CDHR2: variants seen among roughly 807,000 people sequenced by gnomAD.
CDHR2 encodes the protein cadherin related family member 2, also known as cadherin-related family member 2.
In CDHR2, 104 loss-of-function variants were observed where a neutral mutation model predicts 138.6. The ratio of observed to expected loss-of-function variants is 0.75; its 90% CI spans 0.64 to 0.88. The LOEUF (loss-of-function observed/expected upper bound fraction) is 0.88, where lower values mean the gene tolerates loss of function less well. Among genes scored for constraint, CDHR2 ranks in the 40% least tolerant of loss-of-function variants. The pLI is 0.00. For synonymous variants in CDHR2, 755 were observed against 742.8 expected (o/e 1.02, Z -0.27); for missense variants, 1,624 against 1,727.6 (o/e 0.94, Z 1.06).
chr5:176,584,702 C>T lies in CDHR2; in HGVS notation c.2421C>T (p.Thr807=). 6.2e-7 allele frequency: 1 copy of T among 1,614,164 alleles called. No homozygotes were observed. Among genetic ancestry groups the T allele is most frequent in the South Asian group, 1.1e-5 (1 of 91,082 alleles). ...NVKDVNDNPP[T]LDVASLRGIR... Reference sequence around the variant, plus strand: ...AAGACGTGAACGACAATCCCCCCACCCTGGATGTAGCCTCACTCCGGGGCA... The same window carrying T: ...AAGACGTGAACGACAATCCCCCCACTCTGGATGTAGCCTCACTCCGGGGCA... Residue 807 remains threonine (T), a synonymous_variant, in exon 19 of 32, where the codon ACC becomes ACT. Transcript: ENST00000261944.
intron 6 of CDHR2, among the ~76,000 whole-genome samples, chr5:176,573,780 T>G (rs1212713406): frequency 6.6e-6 from 1 of 152,190 alleles, no homozygotes; most frequent in Non-Finnish European, 1.5e-5. Context: ...ATGGGATGTC[T>G]GAGTGCGCAG....
At chr5:176,586,099 C>T in intron 20 of CDHR2, 74 bp downstream of exon 20, 2 of 1,197,704 alleles carry the variant, frequency 1.7e-6, no homozygotes, top group Non-Finnish European at 2.5e-6. Flanking sequence ...GACAGACCCT[C>T]CTTGGACCCC....
At chr5:176,564,803 G>A (rs961892138) in intron 1 of CDHR2, among the ~76,000 whole-genome samples, 4 of 152,138 alleles carry the variant, frequency 2.6e-5, no homozygotes, top group Non-Finnish European at 4.4e-5. Flanking sequence ...GCAGGTGAAC[G>A]AAGGACCCTG....
At position 176,557,560 on chromosome 5, in the gene CDHR2, A is replaced by ATTTT. The variant is rs5873538; in HGVS notation, c.-15-7758_-15-7755dup. ...TTCCTTTTTATTATCACCTTCTTAG[A>ATTTT]TTTTTTTTTTTTTTTTTTTTTTTGA... On this transcript the variant is annotated intron_variant, in intron 1 of 31. Transcript: ENST00000261944. Among the ~76,000 whole-genome samples the ATTTT allele has an allele frequency of 7.0e-4, 61 of 87,416 alleles. 1 individual carries two copies. Among genetic ancestry groups the ATTTT allele is most frequent in the African/African-American group, 1.9e-3 (42 of 21,566 alleles). 57.3% of individuals were successfully genotyped at this position (87,416 alleles called of 152,430 possible).
In CDHR2 at chr5:176,590,295, C is replaced by G; in HGVS notation, c.3318C>G (p.Pro1106=). ...HSYLDAYFVF[P]NGSALTLDEL... ...ACCTCGATGCCTACTTTGTCTTCCCCAATGGGTCAGCCCTGACCCTTGATG... is the reference window on the plus strand; with the variant it reads ...ACCTCGATGCCTACTTTGTCTTCCCGAATGGGTCAGCCCTGACCCTTGATG... The change falls in exon 26 of 32, where the codon CCC becomes CCG. Residue 1106 remains proline, a synonymous_variant. Coordinates refer to ENST00000261944, the MANE Select transcript of CDHR2 (RefSeq NM_017675.6). 6.2e-7 allele frequency: 1 copy of G among 1,614,196 alleles called. No homozygotes were observed. Among genetic ancestry groups the G allele is most frequent in the African/African-American group, 1.3e-5 (1 of 75,054 alleles).
chr5:176,568,811 C>T lies in CDHR2; in HGVS notation c.258C>T (p.Asp86=). 6.2e-7 allele frequency: 1 copy of T among 1,614,100 alleles called. No homozygotes were observed. Among genetic ancestry groups the T allele is most frequent in the Non-Finnish European group, 8.5e-7 (1 of 1,179,996 alleles). The part of the protein sequence containing the change: ...TGEVKLASAL[D]YETLYTFKVT... ...AAGTGAAGCTGGCCAGCGCTCTGGA[C>T]TACGAGGTAAAGAGCATCAGCCGGA... is the stretch of plus-strand genomic sequence containing the variant. Residue 86 remains aspartate (D), a synonymous_variant, in exon 4 of 32, where the codon GAC becomes GAT. Transcript: ENST00000261944.
chr5:176,560,547 CCTT>C (rs1757941882), intron 1 of CDHR2, among the ~76,000 whole-genome samples: 1 of 152,148 alleles, frequency 6.6e-6, no homozygotes, highest in Non-Finnish European at 1.5e-5. Context: ...AAAGCGGTTC[CCTT>C]CTTTCACTCT....
In CDHR2 at chr5:176,577,425, G is replaced by A. The variant is rs376960328; in HGVS notation, c.1221G>A (p.Ser407=). The A allele has an allele frequency of 2.0e-4, 321 of 1,609,690 alleles. No homozygotes were observed. Among genetic ancestry groups the A allele is most frequent in the Middle Eastern group, 1.7e-4 (1 of 6,034 alleles). ...DKGSNGTFLL[S]LGGPDAEAFS... The stretch of plus-strand genomic sequence containing the variant: ...GCAGCAATGGCACCTTCCTGTTGTC[G>A]CTGGGGGGCCCCGATGCAGAAGCCT... Residue 407 remains serine (S), a synonymous_variant, in exon 13 of 32, where the codon TCG becomes TCA. Transcript: ENST00000261944.
intron 19 of CDHR2, among the ~76,000 whole-genome samples, 176 bp downstream of exon 19, chr5:176,585,191 T>C (rs1758630373): frequency 6.6e-6 from 1 of 152,210 alleles, no homozygotes; most frequent in African/African-American, 2.4e-5. Flanking sequence ...ATCTGTCCAG[T>C]GGAGTTGGGC....
At position 176,569,090 on chromosome 5, in the gene CDHR2, C is replaced by T; in HGVS notation, c.315+80C>T. The T allele has an allele frequency of 3.0e-6, 4 of 1,331,540 alleles. No homozygotes were observed. In the South Asian group the frequency reaches 3.7e-5, roughly 12 times the overall value. 82.5% of individuals were successfully genotyped at this position (1,331,540 alleles called of 1,614,324 possible). On this transcript the variant is annotated intron_variant, in intron 5 of 31. Coordinates refer to ENST00000261944, the MANE Select transcript of CDHR2 (RefSeq NM_017675.6). ...TGTGTCCCCACCTCCGGCAAGCGGA[C>T]GGTGCCCCAGTTAACAGTGAATTTA...
chr5:176,547,198 C>T (rs947251599), upstream of CDHR2, among the ~76,000 whole-genome samples: 8 of 152,042 alleles, frequency 5.3e-5, no homozygotes, highest in Admixed American at 3.3e-4. Flanking sequence ...AGGCTGGTCT[C>T]GAATTCTTGA....
chr5:176,565,643 C>G (rs1208164342), intron 2 of CDHR2, 29 bp from the exon 3 acceptor site: 1 of 1,602,642 alleles, frequency 6.2e-7, no homozygotes, highest in Non-Finnish European at 8.5e-7. Flanking sequence ...AGGGGTGTCC[C>G]GATGTTCCAG....
At chr5:176,551,760 A>G (rs1291812350) in intron 1 of CDHR2, among the ~76,000 whole-genome samples, 2 of 136,878 alleles carry the variant, frequency 1.5e-5, no homozygotes, top group East Asian at 4.5e-4. Flanking sequence ...GGAGTGCAGT[A>G]GCGGCATCTC....
chr5:176,565,178 C>T, intron 1 of CDHR2, 160 bp from the exon 2 acceptor site: 1 of 625,726 alleles, frequency 1.6e-6, no homozygotes, highest in Non-Finnish European at 2.9e-6. Context: ...TTCCCCTGAC[C>T]CTAGAGCATC....
At position 176,581,335 on chromosome 5, in the gene CDHR2, G is replaced by A. The variant is rs535104271; in HGVS notation, c.1819-8G>A. On this transcript the variant is annotated splice_region_variant and splice_polypyrimidine_tract_variant and intron_variant, in intron 16 of 31. Transcript: ENST00000261944. The stretch of plus-strand genomic sequence containing the variant: ...TGGCCGATGACCAACCCCTGCTTAC[G>A]TGCACAGGCCCACGACAATGATGAG... 25 of 1,612,276 alleles carry A rather than the reference G, an allele frequency of 1.6e-5. No individual in the cohort carries two copies. The highest frequency in any genetic ancestry group is 8.9e-5 in the East Asian group (4 of 44,876).
At chr5:176,590,027 A>G in intron 24 of CDHR2, 51 bp from the exon 25 acceptor site, 1 of 1,474,358 alleles carries the variant, frequency 6.8e-7, no homozygotes, top group Non-Finnish European at 9.5e-7. Flanking sequence ...AGCCCTGGCC[A>G]CAGGCCCAGG....
Position 176,580,148 on chromosome 5 carries a change from ACACACACACTCACACACGCACT to A in CDHR2, c.1819-1168_1819-1147del, listed in dbSNP as rs377345780. Among the ~76,000 whole-genome samples, 1,312 of 151,566 alleles carry A rather than the reference ACACACACACTCACACACGCACT, an allele frequency of 8.7e-3. 17 individuals are homozygous for A. The highest frequency in any genetic ancestry group is 0.03 in the African/African-American group (1,241 of 41,292). On this transcript the variant is annotated intron_variant, in intron 16 of 31. Coordinates refer to ENST00000261944, the MANE Select transcript of CDHR2 (RefSeq NM_017675.6). The stretch of plus-strand genomic sequence containing the variant: ...CACGCACGCACTCACACACGCACTC[ACACACACACTCACACACGCACT>A]CACACACACTCACACACGCACTCAC...
intron 30 of CDHR2, 132 bp from the exon 31 acceptor site, chr5:176,592,591 G>T: frequency 1.4e-6 from 1 of 722,106 alleles, no homozygotes; most frequent in Non-Finnish European, 2.5e-6. Context: ...TTGTGATGAT[G>T]GTGGTGGTGG....
chr5:176,556,840 G>A (rs559241963), intron 1 of CDHR2: 1 of 152,200 alleles, frequency 6.6e-6, no homozygotes, highest in African/African-American at 2.4e-5. Context: ...GATACTACAA[G>A]GTTTATAACA....
Sources: gnomAD v4.1 joint callset for allele counts (sites outside exome capture counted in the v4.1 genomes callset) on GRCh38, gnomAD v4.1.1 for gene constraint, MANE v1.5 for transcripts, NCBI Gene and HGNC (gene_info 2026-07-23, HGNC 2026-07-21) for gene names.